TNKS: variants seen among roughly 807,000 people sequenced by gnomAD.
TNKS encodes poly [ADP-ribose] polymerase tankyrase-1.
Under a neutral mutation model 135.8 loss-of-function variants are expected in TNKS, and 72 were observed. That is an observed-to-expected ratio of 0.53 (90% CI 0.44 to 0.64). The LOEUF (loss-of-function observed/expected upper bound fraction) is 0.64, where lower values mean the gene tolerates loss of function less well. TNKS is among the 30% of genes least tolerant of loss of function. The pLI, the probability that TNKS is intolerant of heterozygous loss-of-function variation, is 0.00. For synonymous variants in TNKS, 849 were observed against 649.3 expected (o/e 1.31, Z -4.68); for missense variants, 1,769 against 1,674.0 (o/e 1.06, Z -0.99).
At chr8:9,767,541 T>A (rs961030623) in intron 25 of TNKS, among the ~76,000 whole-genome samples, 1 of 152,218 alleles carries the variant, frequency 6.6e-6, no homozygotes, top group Admixed American at 6.5e-5. Flanking sequence ...ATTGTGATTA[T>A]TGACCTTAAA....
chr8:9,768,226 C>T (rs1296636050), intron 25 of TNKS, among the ~76,000 whole-genome samples: 1 of 152,120 alleles, frequency 6.6e-6, no homozygotes, highest in Non-Finnish European at 1.5e-5. Flanking sequence ...AGTGCAGCCC[C>T]AGGGAAGCAG....
At chr8:9,565,736 T>G (rs1032555254) in intron 1 of TNKS, among the ~76,000 whole-genome samples, 1 of 151,980 alleles carries the variant, frequency 6.6e-6, no homozygotes, top group Non-Finnish European at 1.5e-5. Flanking sequence ...GGGCGCCTGT[T>G]GTCCCAGCTA....
chr8:9,677,463 T>G (rs1802593702), intron 3 of TNKS, among the ~76,000 whole-genome samples: 1 of 152,204 alleles, frequency 6.6e-6, no homozygotes, highest in African/African-American at 2.4e-5. Context: ...ATTACCACTC[T>G]TATTGGAGTC....
chr8:9,559,660 G>A (rs1482012216), intron 1 of TNKS, among the ~76,000 whole-genome samples: 1 of 152,072 alleles, frequency 6.6e-6, no homozygotes, highest in African/African-American at 2.4e-5. Flanking sequence ...GTGTCCATGT[G>A]TACTCAAGGT....
chr8:9,557,672 G>A (rs574798253), intron 1 of TNKS: 1 of 152,110 alleles, frequency 6.6e-6, no homozygotes, highest in Non-Finnish European at 1.5e-5. Context: ...TAACACACCA[G>A]AGATAACTTC....
rs111775725 is a variant in TNKS, at chr8:9,603,106, A to G, written c.899-12476A>G. Among the ~76,000 whole-genome samples the G allele has an allele frequency of 1.9e-3, 283 of 152,002 alleles. 2 individuals are homozygous for G. The highest frequency in any genetic ancestry group is 6.2e-3 in the African/African-American group (255 of 41,454). On this transcript the variant is annotated intron_variant, in intron 2 of 26. Transcript: ENST00000310430. ...CTCGCTTTATCGCCCAGGCTGGAGT[A>G]CAGTGGCGCGATCTTGGCTCACTGC...
At chr8:9,634,806 G>GA (rs60342656) in intron 3 of TNKS, among the ~76,000 whole-genome samples, 2,819 of 150,154 alleles carry the variant, frequency 0.019, 97 homozygotes, top group African/African-American at 0.063. Flanking sequence ...CCAAAACTTT[G>GA]AAAAAAAAAT....
At chr8:9,661,611 G>A (rs1306673468) in intron 3 of TNKS, among the ~76,000 whole-genome samples, 2 of 152,124 alleles carry the variant, frequency 1.3e-5, no homozygotes, top group African/African-American at 2.4e-5. Flanking sequence ...TTAAATGTTA[G>A]ACCTAAAACC....
At chr8:9,770,792 G>T (rs1478691965) in intron 26 of TNKS, among the ~76,000 whole-genome samples, 1 of 152,222 alleles carries the variant, frequency 6.6e-6, no homozygotes, top group Non-Finnish European at 1.5e-5. Flanking sequence ...AGGGAATGCT[G>T]TTGGGGGAAG....
At chr8:9,695,256 CTAATATT>C (rs1210375785) in intron 5 of TNKS, among the ~76,000 whole-genome samples, 1 of 152,086 alleles carries the variant, frequency 6.6e-6, no homozygotes, top group Non-Finnish European at 1.5e-5. Flanking sequence ...ACTTTTAATT[CTAATATT>C]AATCCTTAGG....
intron 11 of TNKS, among the ~76,000 whole-genome samples, chr8:9,717,269 T>C (rs571447761): frequency 5.3e-5 from 8 of 151,400 alleles, no homozygotes; most frequent in Non-Finnish European, 7.4e-5. Context: ...ACTATGTCAG[T>C]ATTGTATTGA....
chr8:9,623,090 T>A (rs1799925998), intron 3 of TNKS, among the ~76,000 whole-genome samples: 1 of 152,212 alleles, frequency 6.6e-6, no homozygotes, highest in Admixed American at 6.5e-5. Flanking sequence ...AATTGTACTG[T>A]ATTCACCTAT....
In TNKS at chr8:9,648,197, G is replaced by A. The variant is rs544079564; in HGVS notation, c.995-31754G>A. 2.6e-5 allele frequency among the ~76,000 whole-genome samples: 4 copies of A among 152,048 alleles called. No individual in the cohort carries two copies. The South Asian group carries it at 8.3e-4, about 32-fold the overall frequency. The stretch of plus-strand genomic sequence containing the variant: ...GACTTCATAAACACTGTATGCTTAG[G>A]CTACATTAGATTTATTTAAAAAAAT... On this transcript the variant is annotated intron_variant, in intron 3 of 26. Transcript: ENST00000310430.
chr8:9,749,888 A>G (rs543026643), intron 18 of TNKS, among the ~76,000 whole-genome samples: 1 of 151,984 alleles, frequency 6.6e-6, no homozygotes, highest in Non-Finnish European at 1.5e-5. Flanking sequence ...GCTCCTAGAA[A>G]TTTTCGGGAC....
At chr8:9,565,497 A>G (rs953493372) in intron 1 of TNKS, among the ~76,000 whole-genome samples, 4 of 152,136 alleles carry the variant, frequency 2.6e-5, no homozygotes, top group African/African-American at 4.8e-5. Context: ...AACTGAACAA[A>G]ATTTGTTTTA....
intron 20 of TNKS, among the ~76,000 whole-genome samples, chr8:9,753,049 A>G (rs1806635207): frequency 6.6e-6 from 1 of 152,042 alleles, no homozygotes; most frequent in African/African-American, 2.4e-5. Flanking sequence ...TAAACCCACA[A>G]CACATTTCTA....
chr8:9,567,158 A>G (rs1227423850), intron 1 of TNKS, among the ~76,000 whole-genome samples: 2 of 152,238 alleles, frequency 1.3e-5, no homozygotes, highest in Non-Finnish European at 2.9e-5. Context: ...AGTAAAAAGT[A>G]GGGCATCATC....
At chr8:9,763,005 T>C (rs982772360) in intron 21 of TNKS, 142 bp from the exon 22 acceptor site, 8 of 408,112 alleles carry the variant, frequency 2.0e-5, no homozygotes, top group Non-Finnish European at 3.0e-5. Context: ...ACCGAATTTA[T>C]CAGGTTCAAA....
rs528830474 is a variant in TNKS, at chr8:9,612,490, G to C, written c.899-3092G>C. Among the ~76,000 whole-genome samples, 8 of 152,182 alleles carry C rather than the reference G, an allele frequency of 5.3e-5. No homozygotes were observed. In the East Asian group the frequency reaches 1.5e-3, roughly 29 times the overall value. On this transcript the variant is annotated intron_variant, in intron 2 of 26. Transcript: ENST00000310430. ...CAGGGGTCAGCAAAATGGTCCGTAG[G>C]CCAAACCCAGCCTATCTCTTGTTTT...
Sources: gnomAD v4.1 joint callset for allele counts (sites outside exome capture counted in the v4.1 genomes callset) on GRCh38, gnomAD v4.1.1 for gene constraint, MANE v1.5 for transcripts, NCBI Gene and HGNC (gene_info 2026-07-23, HGNC 2026-07-21) for gene names.